Variants in RB1 observed in about 807,000 individuals in gnomAD.
The protein encoded by RB1 is RB transcriptional corepressor 1.
A neutral mutation model predicts 135.4 loss-of-function variants in RB1; 18 were observed. The ratio of observed to expected loss-of-function variants is 0.13; its 90% CI spans 0.09 to 0.20. The LOEUF (loss-of-function observed/expected upper bound fraction) is 0.20, where lower values mean the gene tolerates loss of function less well. Among genes scored for constraint, RB1 ranks in the 10% least tolerant of loss-of-function variants. RB1 has a pLI of 1.00. For synonymous variants in RB1, 365 were observed against 373.2 expected (o/e 0.98, Z 0.25); for missense variants, 868 against 1,110.0 (o/e 0.78, Z 3.10).
At chr13:48,445,481 C>G (rs1030982126) in intron 17 of RB1, among the ~76,000 whole-genome samples, 3 of 152,192 alleles carry the variant, frequency 2.0e-5, no homozygotes, top group Non-Finnish European at 2.9e-5. Context: ...GTTCTGGTGG[C>G]CTCTTTCATT....
intron 2 of RB1, among the ~76,000 whole-genome samples, chr13:48,320,970 A>G (rs1335943929): frequency 1.3e-5 from 2 of 152,204 alleles, no homozygotes; most frequent in African/African-American, 4.8e-5. Context: ...TCTTGACCTG[A>G]CCAACGAGCT....
intron 2 of RB1, among the ~76,000 whole-genome samples, chr13:48,332,643 A>G (rs1417232186): frequency 6.6e-6 from 1 of 152,214 alleles, no homozygotes; most frequent in Non-Finnish European, 1.5e-5. Context: ...GGTTGATTAT[A>G]GTTAATAATA....
At chr13:48,407,409 A>G (rs1407199466) in intron 17 of RB1, among the ~76,000 whole-genome samples, 1 of 152,210 alleles carries the variant, frequency 6.6e-6, no homozygotes, top group African/African-American at 2.4e-5. Context: ...GTAATAAAAA[A>G]GAGAGAGAAG....
chr13:48,480,110 GATTC>G lies in RB1; in HGVS notation c.*43_*46del, dbSNP rs769180580. 2 of 1,512,506 alleles carry G rather than the reference GATTC, an allele frequency of 1.3e-6. No individual in the cohort carries two copies. The highest frequency in any genetic ancestry group is 1.1e-5 in the South Asian group (1 of 88,180). The allele number at this position is 1,512,506 out of a possible 1,614,324, so 93.7% of individuals were successfully genotyped here. A position where few individuals can be genotyped will look rare whatever the true frequency, so the allele number is the denominator to read the frequency against. On this transcript the variant is annotated 3_prime_UTR_variant, in exon 27 of 27. Transcript: ENST00000267163. ...TTGGTGGACACTGTGTACACCTCTG[GATTC>G]ATTGTCTCTCACAGATGTGACTGTA...
chr13:48,450,501 A>G (rs1949320190), intron 17 of RB1, among the ~76,000 whole-genome samples: 1 of 151,792 alleles, frequency 6.6e-6, no homozygotes, highest in Non-Finnish European at 1.5e-5. Context: ...TGAGTCCTCT[A>G]CTCTGTTCCA....
At chr13:48,464,108 A>T (rs1949421967) in intron 21 of RB1, among the ~76,000 whole-genome samples, 1 of 152,190 alleles carries the variant, frequency 6.6e-6, no homozygotes, top group African/African-American at 2.4e-5. Flanking sequence ...TTTGTAATAA[A>T]CTTGACATGA....
At chr13:48,336,422 A>G (rs370456177) in intron 2 of RB1, among the ~76,000 whole-genome samples, 5 of 152,114 alleles carry the variant, frequency 3.3e-5, no homozygotes, top group Non-Finnish European at 5.9e-5. Context: ...GGGAGGGTGT[A>G]TGTGTCCAGG....
intron 2 of RB1, among the ~76,000 whole-genome samples, chr13:48,308,671 C>A (rs78083519): frequency 0.024 from 3,571 of 150,708 alleles, 148 homozygotes; most frequent in East Asian, 0.14. Context: ...ACAAAAAAAA[C>A]CCCAGAACTT....
chr13:48,350,183 T>C (rs1336162677), intron 6 of RB1, among the ~76,000 whole-genome samples: 1 of 152,130 alleles, frequency 6.6e-6, no homozygotes, highest in Non-Finnish European at 1.5e-5. Context: ...CTGCACTATA[T>C]AGACCATATG....
chr13:48,307,232 T>A (rs2138033574), intron 1 of RB1, 48 bp from the exon 2 acceptor site: 1 of 1,511,914 alleles, frequency 6.6e-7, no homozygotes, highest in Non-Finnish European at 9.2e-7. Flanking sequence ...ACTGAATCAA[T>A]TTGATTTATA....
chr13:48,399,905 T>C (rs2897585), intron 17 of RB1, among the ~76,000 whole-genome samples: 1,530 of 152,130 alleles, frequency 0.01, 22 homozygotes, highest in African/African-American at 0.035. Context: ...GAGTTTACTG[T>C]AGAGAAATAT....
rs1381671623 is a variant in RB1, at chr13:48,476,803, C to T, written c.2623C>T (p.Leu875=). The change falls in exon 25 of 27, where the codon CTA becomes TTA. Residue 875 remains leucine, a synonymous_variant. Transcript: ENST00000267163. ...GSNPPKPLKK[L]RFDIEGSDEA... ...CAACCCTCCTAAACCACTGAAAAAA[C>T]TACGCTTTGATATTGAAGGATCAGA... 9 of 1,613,586 alleles carry T rather than the reference C, an allele frequency of 5.6e-6. No individual in the cohort carries two copies. Among genetic ancestry groups the T allele is most frequent in the Non-Finnish European group, 7.6e-6 (9 of 1,179,704 alleles).
At chr13:48,398,503 A>T (rs1392535774) in intron 17 of RB1, among the ~76,000 whole-genome samples, 1 of 151,788 alleles carries the variant, frequency 6.6e-6, no homozygotes, top group Non-Finnish European at 1.5e-5. Context: ...CAATAGTTTG[A>T]TAGAGTCCTG....
intron 2 of RB1, among the ~76,000 whole-genome samples, chr13:48,325,419 C>G (rs1172621036): frequency 6.6e-6 from 1 of 151,892 alleles, no homozygotes; most frequent in Non-Finnish European, 1.5e-5. Context: ...TAATTTTACC[C>G]AATTGAAGTC....
intron 2 of RB1, among the ~76,000 whole-genome samples, chr13:48,341,944 T>TGG (rs1952446229): frequency 6.6e-6 from 1 of 151,922 alleles, no homozygotes; most frequent in Non-Finnish European, 1.5e-5. Flanking sequence ...GTATATATTG[T>TGG]GGGGAAAAAT....
At chr13:48,426,306 A>G (rs1055662856) in intron 17 of RB1, among the ~76,000 whole-genome samples, 21 of 152,248 alleles carry the variant, frequency 1.4e-4, no homozygotes, top group Admixed American at 1.1e-3. Flanking sequence ...TCATGGAACA[A>G]TAAGATTTGT....
In RB1 at chr13:48,477,369, G is replaced by A. The variant is rs764171812; in HGVS notation, c.2678G>A (p.Gly893Glu). The change falls in exon 26 of 27, where the codon GGA (glycine) becomes GAA (glutamate). Residue 893 changes from glycine (G) to glutamate (E), a missense_variant. Gly to Glu is a moderately conservative substitution (Grantham distance 98). This residue lies in a region of RB1 where 196 missense variants were observed against 239.8 expected (regional missense o/e 0.82). Coordinates refer to ENST00000267163, the MANE Select transcript of RB1 (RefSeq NM_000321.3). ...DEADGSKHLP[G>E]ESKFQQKLAE... ...TTAATCTGCAGTAAACATCTCCCAG[G>A]AGAGTCCAAATTTCAGCAGAAACTG... is the stretch of plus-strand genomic sequence containing the variant. 2 of 1,609,738 alleles carry A rather than the reference G, an allele frequency of 1.2e-6. No individual in the cohort carries two copies. Among genetic ancestry groups the A allele is most frequent in the African/African-American group, 2.7e-5 (2 of 74,760 alleles).
At chr13:48,473,978 C>G (rs1016987605) in intron 24 of RB1, among the ~76,000 whole-genome samples, 1 of 152,102 alleles carries the variant, frequency 6.6e-6, no homozygotes. Flanking sequence ...TCACAAAACT[C>G]TGGAAAATAT....
chr13:48,318,664 T>C (rs1952207612), intron 2 of RB1: 6 of 612,036 alleles, frequency 9.8e-6, no homozygotes, highest in Non-Finnish European at 1.8e-5. Context: ...CGCGTTTTCT[T>C]GGGCGTGGAC....
Sources: gnomAD v4.1 joint callset for allele counts (sites outside exome capture counted in the v4.1 genomes callset) on GRCh38, gnomAD v4.1.1 for gene constraint, gnomAD v4.1.1 regional missense constraint, MANE v1.5 for transcripts, NCBI Gene and HGNC (gene_info 2026-07-23, HGNC 2026-07-21) for gene names.